The following VWCE variants were observed in gnomAD, a reference collection of about 807,000 sequenced individuals.
The protein encoded by VWCE is von Willebrand factor C and EGF domains.
VWCE carries 68 observed loss-of-function variants against 102.9 expected under a neutral mutation model. The observed-to-expected ratio is 0.66, with a 90% CI of 0.54 to 0.81. The LOEUF (loss-of-function observed/expected upper bound fraction) is 0.81, where lower values mean the gene tolerates loss of function less well. Among genes scored for constraint, VWCE ranks in the 30% least tolerant of loss-of-function variants. The probability of loss-of-function intolerance (pLI) is 0.00; values close to 1 mark genes in which losing one functional copy is unlikely to be tolerated. For synonymous variants in VWCE, 497 were observed against 515.4 expected, an observed-to-expected ratio of 0.96 and a Z score of 0.48; for missense variants, 1,137 against 1,263.6, an observed-to-expected ratio of 0.90 and a Z score of 1.52.
At chr11:61,292,634 G>C (rs1463488428) in intron 1 of VWCE, among the ~76,000 whole-genome samples, 1 of 152,196 alleles carries the variant, frequency 6.6e-6, no homozygotes, top group Non-Finnish European at 1.5e-5. Context: ...GGTCCAGAAA[G>C]GGCAGGAAGC....
At chr11:61,289,811 C>G (rs1418168417) in intron 4 of VWCE, among the ~76,000 whole-genome samples, 1 of 152,176 alleles carries the variant, frequency 6.6e-6, no homozygotes, top group Non-Finnish European at 1.5e-5. Flanking sequence ...TTTCATCTTT[C>G]TCCTCTTACT....
At chr11:61,276,440 G>A (rs1854909584) in intron 11 of VWCE, among the ~76,000 whole-genome samples, 153 bp downstream of exon 11, 1 of 151,348 alleles carries the variant, frequency 6.6e-6, no homozygotes, top group Non-Finnish European at 1.5e-5. Flanking sequence ...ATGCAAAACT[G>A]GGCTTGGGGG....
chr11:61,280,220 G>A (rs1283540012), intron 9 of VWCE, among the ~76,000 whole-genome samples: 2 of 152,170 alleles, frequency 1.3e-5, no homozygotes, highest in East Asian at 3.9e-4. Context: ...TCCGCCTGTA[G>A]GAGGGTAACT....
Position 61,281,245 on chromosome 11 carries a change from A to G in VWCE, c.788-10T>C. 6.2e-7 allele frequency: 1 copy of G among 1,611,794 alleles called. No individual in the cohort carries two copies. The highest frequency in any genetic ancestry group is 8.5e-7 in the Non-Finnish European group (1 of 1,179,896). On this transcript the variant is annotated splice_polypyrimidine_tract_variant and intron_variant, in intron 7 of 19. Transcript: ENST00000335613. ...ACGGCTTTCGGGAAAGCTGAAACAGAAGCACGGAGGTCTCTTGGGGTGGAC... is the reference window on the plus strand; with the variant it reads ...ACGGCTTTCGGGAAAGCTGAAACAGGAGCACGGAGGTCTCTTGGGGTGGAC...
In VWCE at chr11:61,258,575, C is replaced by T; in HGVS notation, c.*100G>A. 1 of 1,227,604 alleles carries T rather than the reference C, an allele frequency of 8.1e-7. No homozygotes were observed. The highest frequency in any genetic ancestry group is 1.0e-6 in the Non-Finnish European group (1 of 959,952). The allele number at this position is 1,227,604 out of a possible 1,614,324, so 76.0% of individuals were successfully genotyped here. On this transcript the variant is annotated 3_prime_UTR_variant, in exon 20 of 20. Coordinates refer to ENST00000335613, the MANE Select transcript of VWCE (RefSeq NM_152718.2). ...ACCAGGGCCCCTGCAGGAGGGAGCC[C>T]AGGCATCCCCACCAGGTTCATCCTT...
In VWCE at chr11:61,258,637, G is replaced by T. The variant is rs751209583; in HGVS notation, c.*38C>A. ...GCACACACCCTGGGCCACTGGCAGA[G>T]GTCCTCTCTCCAGAGTCTCCCGGAC... On this transcript the variant is annotated 3_prime_UTR_variant, in exon 20 of 20. Transcript: ENST00000335613. 2 of 1,340,614 alleles carry T rather than the reference G, an allele frequency of 1.5e-6. No homozygotes were observed. The highest frequency in any genetic ancestry group is 3.0e-5 in the African/African-American group (2 of 66,824). The allele number at this position is 1,340,614 out of a possible 1,614,324, so 83.0% of individuals were successfully genotyped here. A position where few individuals can be genotyped will look rare whatever the true frequency, so the allele number is the denominator to read the frequency against.
chr11:61,285,392 G>A (rs1018392763), intron 5 of VWCE, among the ~76,000 whole-genome samples: 1 of 152,182 alleles, frequency 6.6e-6, no homozygotes, highest in Non-Finnish European at 1.5e-5. Context: ...AGTAATAATT[G>A]TAAGATCTCT....
Position 61,280,621 on chromosome 11 carries a change from C to A in VWCE, c.1324+3G>T. ...TATGTCCTTCCCTGGCACCAGCTCT[C>A]ACCTGTGCACGATGGGCAGCACCCA... On this transcript the variant is annotated splice_donor_region_variant and intron_variant, in intron 9 of 19. Coordinates refer to ENST00000335613, the MANE Select transcript of VWCE (RefSeq NM_152718.2). 6.2e-7 allele frequency: 1 copy of A among 1,613,900 alleles called. No homozygotes were observed. Among genetic ancestry groups the A allele is most frequent in the South Asian group, 1.1e-5 (1 of 91,056 alleles).
At chr11:61,293,276 G>C (rs1287895930) in intron 1 of VWCE, among the ~76,000 whole-genome samples, 1 of 143,780 alleles carries the variant, frequency 7.0e-6, no homozygotes, top group Non-Finnish European at 1.5e-5. Flanking sequence ...AATTAGCCAG[G>C]TGTGGTGGCA....
chr11:61,293,365 C>T (rs1395867861), intron 1 of VWCE, among the ~76,000 whole-genome samples: 1 of 146,518 alleles, frequency 6.8e-6, no homozygotes, highest in Non-Finnish European at 1.5e-5. Context: ...TGCAGTGAGC[C>T]GAGATCGCAC....
chr11:61,269,099 G>A (rs556449194), intron 14 of VWCE, 81 bp from the exon 15 acceptor site: 70 of 1,349,848 alleles, frequency 5.2e-5, no homozygotes, highest in Non-Finnish European at 6.7e-5. Flanking sequence ...AAACAGCAAC[G>A]CTGCAAACTG....
chr11:61,287,830 G>T (rs1855381649), intron 4 of VWCE, among the ~76,000 whole-genome samples: 1 of 152,140 alleles, frequency 6.6e-6, no homozygotes, highest in South Asian at 2.1e-4. Flanking sequence ...TCCTTTTGAG[G>T]CAGCAGGAGA....
At position 61,294,604 on chromosome 11, in the gene VWCE, G is replaced by T. The variant is rs1251570478; in HGVS notation, c.110+324C>A. On this transcript the variant is annotated intron_variant, in intron 1 of 19. Coordinates refer to ENST00000335613, the MANE Select transcript of VWCE (RefSeq NM_152718.2). This position sits in a 1 kb window ranked among gnomAD's most constrained non-coding sequence, Gnocchi z 6.3. ...CGCTGGGGGGTGAGCCAGCCAGTCCGGAGACCAGATGGCACGTCCTGGGCT... is the reference window on the plus strand; with the variant it reads ...CGCTGGGGGGTGAGCCAGCCAGTCCTGAGACCAGATGGCACGTCCTGGGCT... Among the ~76,000 whole-genome samples, 3 of 152,174 alleles carry T rather than the reference G, an allele frequency of 2.0e-5. No homozygotes were observed. Among genetic ancestry groups the T allele is most frequent in the Non-Finnish European group, 2.9e-5 (2 of 68,032 alleles).
In VWCE at chr11:61,278,824, A is replaced by G. The variant is rs11230657; in HGVS notation, c.1325-348T>C. On this transcript the variant is annotated intron_variant, in intron 9 of 19. Transcript: ENST00000335613. ...GGGAGGCCAAGGCGGGCAGACCACA[A>G]GGTCAGGAGTTTGAGACCAGCCCGG... 5.1e-3 allele frequency among the ~76,000 whole-genome samples: 775 copies of G among 152,070 alleles called. 18 individuals are homozygous for G. The highest frequency in any genetic ancestry group is 0.045 in the East Asian group (234 of 5,146).
intron 4 of VWCE, among the ~76,000 whole-genome samples, chr11:61,287,643 T>C (rs12796669): frequency 0.015 from 2,332 of 152,292 alleles, 34 homozygotes; most frequent in Non-Finnish European, 0.022. Flanking sequence ...GGATGATATA[T>C]GCCCCACCAG....
At chr11:61,269,142 G>A (rs1228904753) in intron 14 of VWCE, 124 bp from the exon 15 acceptor site, 14 of 841,726 alleles carry the variant, frequency 1.7e-5, no homozygotes, top group African/African-American at 5.0e-5. Flanking sequence ...AACATGACGC[G>A]GCTGGAAGAT....
In VWCE at chr11:61,291,579, G is replaced by C. The variant is rs1485020828; in HGVS notation, c.111-3C>G. On this transcript the variant is annotated splice_region_variant and splice_polypyrimidine_tract_variant and intron_variant, in intron 1 of 19. Coordinates refer to ENST00000335613, the MANE Select transcript of VWCE (RefSeq NM_152718.2). ...AGACGTGGGGGCCCAGTCGGCGTCTGCAAGAGAAGAGAGAGCACTTTCCTC... is the reference window on the plus strand; with the variant it reads ...AGACGTGGGGGCCCAGTCGGCGTCTCCAAGAGAAGAGAGAGCACTTTCCTC... The C allele has an allele frequency of 7.0e-7, 1 of 1,436,494 alleles. No individual in the cohort carries two copies. The highest frequency in any genetic ancestry group is 2.6e-5 in the East Asian group (1 of 39,042). The allele number at this position is 1,436,494 out of a possible 1,614,324, so 89.0% of individuals were successfully genotyped here.
At chr11:61,291,009 T>C (rs1855487087) in intron 3 of VWCE, 82 bp from the exon 4 acceptor site, 3 of 1,543,392 alleles carry the variant, frequency 1.9e-6, no homozygotes, top group Non-Finnish European at 1.7e-6. Context: ...TCCTGAATTC[T>C]GTTGGGAGGG....
chr11:61,284,106 G>A (rs1197879967), intron 5 of VWCE, among the ~76,000 whole-genome samples: 1 of 152,066 alleles, frequency 6.6e-6, no homozygotes, highest in Non-Finnish European at 1.5e-5. Flanking sequence ...GCTCATGCCT[G>A]GAATCCCAGC....
Sources: allele counts gnomAD v4.1 joint callset (sites outside exome capture counted in the v4.1 genomes callset), GRCh38; gene constraint gnomAD v4.1.1; non-coding constraint Gnocchi (gnomAD v3.1); transcripts MANE v1.5; gene names NCBI Gene and HGNC (gene_info 2026-07-23, HGNC 2026-07-21).